Variants in PLPP4 observed in about 807,000 individuals in gnomAD.
The protein encoded by PLPP4 is phospholipid phosphatase 4, also known as diacylglycerol pyrophosphate like 2.
Under a neutral mutation model 32.2 loss-of-function variants are expected in PLPP4, and 20 were observed. The ratio of observed to expected loss-of-function variants is 0.62; its 90% CI spans 0.44 to 0.90. The LOEUF (loss-of-function observed/expected upper bound fraction) is 0.90. PLPP4 is among the 40% of genes least tolerant of loss of function. The probability of loss-of-function intolerance (pLI) is 0.00; values close to 1 mark genes in which losing one functional copy is unlikely to be tolerated. For synonymous variants in PLPP4, 127 were observed against 133.0 expected, an observed-to-expected ratio of 0.95 and a Z score of 0.31; for missense variants, 257 against 353.1, an observed-to-expected ratio of 0.73 and a Z score of 2.18.
At chr10:120,561,245 A>C (rs1425994920) in intron 5 of PLPP4, among the ~76,000 whole-genome samples, 2 of 152,198 alleles carry the variant, frequency 1.3e-5, no homozygotes, top group Non-Finnish European at 2.9e-5. Context: ...CATGTCTTTC[A>C]ATCCCAAGAC....
Position 120,503,909 on chromosome 10 carries a change from C to T in PLPP4, c.148C>T (p.Pro50Ser). ...TCCTTTGGTGCAATCAGATAACATA[C>T]CTACCCGCCTCATGTTTGTAAGTAC... ...KNPLVQSDNI[P>S]TRLMFAISFL... The change falls in exon 2 of 7, where the codon CCT becomes TCT. Residue 50 changes from proline to serine, a missense_variant. Pro to Ser is a moderately conservative substitution (Grantham distance 74). Transcript: ENST00000398250. 1 of 1,605,448 alleles carries T rather than the reference C, an allele frequency of 6.2e-7. No individual in the cohort carries two copies. Among genetic ancestry groups the T allele is most frequent in the Non-Finnish European group, 8.5e-7 (1 of 1,172,080 alleles).
At chr10:120,517,860 C>T (rs1296415202) in intron 3 of PLPP4, among the ~76,000 whole-genome samples, 8 of 152,304 alleles carry the variant, frequency 5.3e-5, no homozygotes, top group Middle Eastern at 6.8e-3. Context: ...AGCTCCTTCC[C>T]GAAAATGCCC....
At chr10:120,498,052 A>G (rs1158427498) in intron 1 of PLPP4, among the ~76,000 whole-genome samples, 1 of 152,204 alleles carries the variant, frequency 6.6e-6, no homozygotes, top group Non-Finnish European at 1.5e-5. Flanking sequence ...AAAAGAAAAA[A>G]AAAAGATAAC....
intron 5 of PLPP4, among the ~76,000 whole-genome samples, chr10:120,535,557 A>T (rs1846977316): frequency 6.6e-6 from 1 of 152,054 alleles, no homozygotes; most frequent in Non-Finnish European, 1.5e-5. Context: ...GATAGTCTTC[A>T]ACTATGATTG....
At chr10:120,569,836 C>T (rs1479119367) in intron 5 of PLPP4, among the ~76,000 whole-genome samples, 4 of 152,272 alleles carry the variant, frequency 2.6e-5, no homozygotes, top group African/African-American at 9.6e-5. Context: ...GCAGTGTGTT[C>T]GGTCCTAGAG....
Position 120,457,370 on chromosome 10 carries a change from T to TGGCGCACCGCGGGCAG in PLPP4, c.56+17_56+32dup, listed in dbSNP as rs1847832142. ...CTCTTCGGAGTCTTCGTGTAAGTAG[T>TGGCGCACCGCGGGCAG]GGCGCACCGCGGGCAGGGCGCACTG... On this transcript the variant is annotated intron_variant, in intron 1 of 6. Coordinates refer to ENST00000398250, the MANE Select transcript of PLPP4 (RefSeq NM_001030059.3). 1 of 1,529,496 alleles carries TGGCGCACCGCGGGCAG rather than the reference T, an allele frequency of 6.5e-7. No individual in the cohort carries two copies. The allele number at this position is 1,529,496 out of a possible 1,614,324, so 94.7% of individuals were successfully genotyped here. A position where few individuals can be genotyped will look rare whatever the true frequency, so the allele number is the denominator to read the frequency against.
chr10:120,586,138 T>TTTTTC (rs1849744353), intron 6 of PLPP4, among the ~76,000 whole-genome samples: 4 of 81,468 alleles, frequency 4.9e-5, no homozygotes, highest in African/African-American at 1.7e-4. Flanking sequence ...TTTTTTTCTT[T>TTTTTC]TTTTTTTTTT....
At chr10:120,457,426 G>A in intron 1 of PLPP4, 65 bp downstream of exon 1, 1 of 1,448,612 alleles carries the variant, frequency 6.9e-7, no homozygotes, top group East Asian at 2.7e-5. Flanking sequence ...AAGCCTCTCT[G>A]TGCCCTAACT....
intron 2 of PLPP4, among the ~76,000 whole-genome samples, chr10:120,509,934 T>G (rs1845658940): frequency 6.6e-6 from 1 of 152,238 alleles, no homozygotes; most frequent in Non-Finnish European, 1.5e-5. Context: ...GCTCTAACAT[T>G]GTGGTCAAAA....
At chr10:120,580,115 CAAAAAAAAAAAAAAAA>C (rs10609637) in intron 6 of PLPP4, among the ~76,000 whole-genome samples, 1 of 91,572 alleles carries the variant, frequency 1.1e-5, no homozygotes, top group Non-Finnish European at 2.2e-5. Flanking sequence ...GCGAGACTCT[CAAAAAAAAAAAAAAAA>C]AAAAAAAAGG....
chr10:120,524,834 C>T (rs1846317498), intron 5 of PLPP4, among the ~76,000 whole-genome samples: 1 of 152,188 alleles, frequency 6.6e-6, no homozygotes, highest in African/African-American at 2.4e-5. Context: ...TCCCATAGTG[C>T]TTAAAGCAGG....
chr10:120,457,083 C>T (rs1325471146), upstream of PLPP4: 2 of 210,028 alleles, frequency 9.5e-6, no homozygotes, highest in East Asian at 2.4e-4. Context: ...TCCGCAGTAT[C>T]GCCAGCGGCC....
intron 2 of PLPP4, among the ~76,000 whole-genome samples, chr10:120,507,198 C>A (rs1345745351): frequency 1.3e-5 from 2 of 152,040 alleles, no homozygotes; most frequent in Non-Finnish European, 2.9e-5. Context: ...ACCATAGGGG[C>A]TATAGGGGAT....
intron 5 of PLPP4, among the ~76,000 whole-genome samples, chr10:120,572,850 G>T (rs371262118): frequency 6.6e-6 from 1 of 152,166 alleles, no homozygotes; most frequent in South Asian, 2.1e-4. Context: ...GGCCAGATAG[G>T]GCCACTTTGG....
At chr10:120,481,327 A>C (rs901685244) in intron 1 of PLPP4, among the ~76,000 whole-genome samples, 1 of 152,130 alleles carries the variant, frequency 6.6e-6, no homozygotes, top group Non-Finnish European at 1.5e-5. Context: ...GAGGGTGTGG[A>C]CTATTTTGAG....
At chr10:120,540,800 C>T (rs1847303550) in intron 5 of PLPP4, among the ~76,000 whole-genome samples, 1 of 152,154 alleles carries the variant, frequency 6.6e-6, no homozygotes, top group African/African-American at 2.4e-5. Flanking sequence ...AAATCTGGGA[C>T]AATTACTTCT....
At chr10:120,565,522 T>C (rs965437913) in intron 5 of PLPP4, among the ~76,000 whole-genome samples, 1 of 152,224 alleles carries the variant, frequency 6.6e-6, no homozygotes, top group Admixed American at 6.5e-5. Context: ...TTGGATCTTT[T>C]GAAGTCATCT....
chr10:120,545,533 A>T (rs1847574708), intron 5 of PLPP4, among the ~76,000 whole-genome samples: 1 of 151,930 alleles, frequency 6.6e-6, no homozygotes, highest in Admixed American at 6.6e-5. Context: ...TCCCTCCAGC[A>T]TTTGGGAAGC....
At chr10:120,582,266 G>A (rs906836910) in intron 6 of PLPP4, among the ~76,000 whole-genome samples, 10 of 152,224 alleles carry the variant, frequency 6.6e-5, no homozygotes, top group South Asian at 2.1e-4. Flanking sequence ...TCAGTAAGGG[G>A]AGGATCCTTC....
Sources: gnomAD v4.1 joint callset for allele counts (sites outside exome capture counted in the v4.1 genomes callset) on GRCh38, gnomAD v4.1.1 for gene constraint, MANE v1.5 for transcripts, NCBI Gene and HGNC (gene_info 2026-07-23, HGNC 2026-07-21) for gene names.